RELN: variants seen among roughly 807,000 people sequenced by gnomAD.
The protein encoded by RELN is reelin.
In RELN, 108 loss-of-function variants were observed where a neutral mutation model predicts 427.6. That is an observed-to-expected ratio of 0.25 (90% CI 0.22 to 0.30). The LOEUF (loss-of-function observed/expected upper bound fraction) is 0.30, where lower values mean the gene tolerates loss of function less well. Among genes scored for constraint, RELN ranks in the 10% least tolerant of loss-of-function variants. RELN has a pLI of 1.00. For missense variants in RELN, 3,715 were observed against 4,302.8 expected (o/e 0.86, Z 3.82); for synonymous variants, 1,524 against 1,513.4 (o/e 1.01, Z -0.16).
At chr7:103,823,742 C>A (rs149838186) in intron 3 of RELN, among the ~76,000 whole-genome samples, 1 of 152,132 alleles carries the variant, frequency 6.6e-6, no homozygotes, top group Non-Finnish European at 1.5e-5. Flanking sequence ...AATTTCTTTG[C>A]TCACTATTAA....
intron 12 of RELN, among the ~76,000 whole-genome samples, chr7:103,657,160 T>C (rs1355543583): frequency 6.6e-6 from 1 of 152,030 alleles, no homozygotes; most frequent in East Asian, 1.9e-4. Context: ...TGACAATGTA[T>C]ATCTCATCCT....
chr7:103,760,528 C>A (rs561994465), intron 4 of RELN, among the ~76,000 whole-genome samples: 1 of 151,750 alleles, frequency 6.6e-6, no homozygotes, highest in African/African-American at 2.4e-5. Context: ...TTACTCAGTG[C>A]AAAGAATGGA....
chr7:103,490,225 A>C (rs1828602779), intron 59 of RELN, among the ~76,000 whole-genome samples: 1 of 152,282 alleles, frequency 6.6e-6, no homozygotes, highest in Non-Finnish European at 1.5e-5. Flanking sequence ...TGCTCTAGGA[A>C]GATTGCACTC....
intron 16 of RELN, among the ~76,000 whole-genome samples, chr7:103,641,267 C>T (rs1479827984): frequency 6.6e-6 from 1 of 152,074 alleles, no homozygotes; most frequent in East Asian, 1.9e-4. Context: ...GCAATAAAAC[C>T]TCATGTGTTC....
chr7:103,931,481 T>C (rs1462790567), intron 1 of RELN, among the ~76,000 whole-genome samples: 3 of 152,220 alleles, frequency 2.0e-5, no homozygotes, highest in Non-Finnish European at 4.4e-5. Flanking sequence ...AAGGTGTAAG[T>C]GCCTTGGAAC....
At chr7:103,545,735 G>A (rs779162088) in intron 41 of RELN, among the ~76,000 whole-genome samples, 4 of 151,888 alleles carry the variant, frequency 2.6e-5, no homozygotes, top group Admixed American at 6.5e-5. Flanking sequence ...TCCATCTCCC[G>A]GGTTCAAGCG....
intron 48 of RELN, among the ~76,000 whole-genome samples, chr7:103,521,001 G>A (rs1350120391): frequency 8.9e-4 from 99 of 110,910 alleles, no homozygotes; most frequent in Admixed American, 5.1e-3. Flanking sequence ...ACGGAGTCTC[G>A]CTCTGTCGCC....
chr7:103,934,263 ATC>A (rs374447495), intron 1 of RELN, among the ~76,000 whole-genome samples: 61 of 152,056 alleles, frequency 4.0e-4, no homozygotes, highest in African/African-American at 1.4e-3. Context: ...CCTCTGTAAA[ATC>A]TCTTTTTTGT....
chr7:103,540,268 C>T lies in RELN; in HGVS notation c.6859G>A (p.Gly2287Ser), dbSNP rs750601950. 6.2e-7 allele frequency: 1 copy of T among 1,614,076 alleles called. No individual in the cohort carries two copies. The highest frequency in any genetic ancestry group is 1.3e-5 in the African/African-American group (1 of 74,928). Residue 2287 changes from glycine to serine, a missense_variant, in exon 44 of 65, where the codon GGT (glycine) becomes AGT (serine). Physicochemically the swap from Gly to Ser is moderately conservative, Grantham distance 56. Transcript: ENST00000428762. ...TGCCACCAGCGAAGGCGAGTAGAACCAGAACGGGCTTTCAAGGGTATCTCC... is the reference window on the plus strand; with the variant it reads ...TGCCACCAGCGAAGGCGAGTAGAACTAGAACGGGCTTTCAAGGGTATCTCC... ...ALEIPLKARS[G>S]STRLRWWQPS...
intron 3 of RELN, among the ~76,000 whole-genome samples, chr7:103,828,895 T>C (rs1757773049): frequency 6.6e-6 from 1 of 151,968 alleles, no homozygotes; most frequent in South Asian, 2.1e-4. Context: ...TTATTTAATT[T>C]TCGTTGTATG....
intron 1 of RELN, among the ~76,000 whole-genome samples, chr7:103,929,653 C>A (rs1361219191): frequency 6.6e-6 from 1 of 152,140 alleles, no homozygotes; most frequent in Non-Finnish European, 1.5e-5. Context: ...ATCTAACACC[C>A]ATATTTTCTC....
rs200647411 is a variant in RELN, at chr7:103,552,971, CTT to C, written c.6072+488_6072+489del. Among the ~76,000 whole-genome samples the C allele has an allele frequency of 1.2e-3, 181 of 152,000 alleles. 3 individuals are homozygous for C. The East Asian group carries it at 0.031, about 26-fold the overall frequency. ...TTTATGTTAATTATTAATTTGCTCTCTTGACAAATAAAAGGAGTGCATAAATA... is the reference window on the plus strand; with the variant it reads ...TTTATGTTAATTATTAATTTGCTCTCGACAAATAAAAGGAGTGCATAAATA... On this transcript the variant is annotated intron_variant, in intron 40 of 64. Coordinates refer to ENST00000428762, the MANE Select transcript of RELN (RefSeq NM_005045.4).
intron 1 of RELN, among the ~76,000 whole-genome samples, chr7:103,950,993 A>C (rs560532977): frequency 6.6e-6 from 1 of 152,248 alleles, no homozygotes; most frequent in African/African-American, 2.4e-5. Context: ...CAGTGGCATG[A>C]TTATCGGCTC....
intron 20 of RELN, among the ~76,000 whole-genome samples, chr7:103,625,472 T>C (rs1197369757): frequency 6.6e-6 from 1 of 152,234 alleles, no homozygotes; most frequent in African/African-American, 2.4e-5. Context: ...GTCTGTTAGC[T>C]TCTAAAATTC....
Position 103,680,200 on chromosome 7 carries a change from T to G in RELN, c.1289+1916A>C, listed in dbSNP as rs144314829. Among the ~76,000 whole-genome samples, 12 of 149,496 alleles carry G rather than the reference T, an allele frequency of 8.0e-5. No homozygotes were observed. In the East Asian group the frequency reaches 2.4e-3, roughly 29 times the overall value. On this transcript the variant is annotated intron_variant, in intron 11 of 64. Coordinates refer to ENST00000428762, the MANE Select transcript of RELN (RefSeq NM_005045.4). ...CAGAGAAGGAGAGAGAAGTGGAGGGTGAGAAGGAGAGGGAGGAGGGAGAGA... is the reference window on the plus strand; with the variant it reads ...CAGAGAAGGAGAGAGAAGTGGAGGGGGAGAAGGAGAGGGAGGAGGGAGAGA...
rs528846676 is a variant in RELN at position 103,567,102 on chromosome 7, T to C, written c.4589-343A>G. Among the ~76,000 whole-genome samples the C allele has an allele frequency of 1.4e-4, 22 of 152,354 alleles. No individual in the cohort carries two copies. In the South Asian group the frequency reaches 4.6e-3, roughly 32 times the overall value. On this transcript the variant is annotated intron_variant, in intron 31 of 64. Transcript: ENST00000428762. ...TGAACATTACAAAGTCTCATATCATTATTATATATTCAGAAGAAATATCTC... is the reference window on the plus strand; with the variant it reads ...TGAACATTACAAAGTCTCATATCATCATTATATATTCAGAAGAAATATCTC...
intron 2 of RELN, among the ~76,000 whole-genome samples, chr7:103,915,959 T>A (rs1157117377): frequency 6.6e-6 from 1 of 152,190 alleles, no homozygotes; most frequent in East Asian, 1.9e-4. Context: ...AGAGGACATT[T>A]TTCCCCTGAG....
intron 13 of RELN, among the ~76,000 whole-genome samples, chr7:103,653,333 T>C (rs1832961877): frequency 6.6e-6 from 1 of 152,040 alleles, no homozygotes; most frequent in Non-Finnish European, 1.5e-5. Flanking sequence ...ATAACTTGGG[T>C]TACCCTTGCA....
In RELN at chr7:103,539,203, T is replaced by A. The variant is rs143688278; in HGVS notation, c.7055A>T (p.Asp2352Val). Residue 2352 changes from aspartate to valine, a missense_variant, in exon 45 of 65, where the codon GAT (aspartate) becomes GTT (valine). By Grantham distance (152) the Asp-to-Val change is radical. Around this residue, in one of 4 missense-constraint regions of RELN, gnomAD observed 1,310 missense variants for 1,643.0 expected, o/e 0.80. Transcript: ENST00000428762. ...GGCCTTTTCAATGAAGACCAGGGCA[T>A]CACCAGTAGAGCCACACACGGGCAT... ...TKMPVCGSTG[D>V]ALVFIEKAST... 2.4e-5 allele frequency: 38 copies of A among 1,614,126 alleles called. No individual in the cohort carries two copies. The highest frequency in any genetic ancestry group is 3.1e-5 in the Non-Finnish European group (37 of 1,180,048).
Sources: allele counts gnomAD v4.1 joint callset (sites outside exome capture counted in the v4.1 genomes callset), GRCh38; gene constraint gnomAD v4.1.1; regional missense constraint gnomAD v4.1.1; transcripts MANE v1.5; gene names NCBI Gene and HGNC (gene_info 2026-07-23, HGNC 2026-07-21).